Variants in TMF1 observed in about 807,000 individuals in gnomAD.
The protein encoded by TMF1 is TATA element modulatory factor 1.
TMF1 carries 71 observed loss-of-function variants against 126.5 expected under a neutral mutation model. The ratio of observed to expected loss-of-function variants is 0.56; its 90% CI spans 0.46 to 0.68. The LOEUF (loss-of-function observed/expected upper bound fraction) is 0.68, where lower values mean the gene tolerates loss of function less well. Among genes scored for constraint, TMF1 ranks in the 30% least tolerant of loss-of-function variants. The probability of loss-of-function intolerance (pLI) is 0.00; values close to 1 mark genes in which losing one functional copy is unlikely to be tolerated. For synonymous variants in TMF1, 461 were observed against 430.5 expected, an observed-to-expected ratio of 1.07 and a Z score of -0.88; for missense variants, 1,259 against 1,253.2, an observed-to-expected ratio of 1.00 and a Z score of -0.07.
intron 10 of TMF1, 107 bp downstream of exon 10, chr3:69,033,441 A>G: frequency 7.9e-7 from 1 of 1,272,130 alleles, no homozygotes; most frequent in Non-Finnish European, 1.1e-6. Context: ...TATTAGACAC[A>G]AAATGTAACT....
In TMF1 at chr3:69,022,238, G is replaced by C. The variant is rs1358199698; in HGVS notation, c.*939C>G. ...TTAATTCCTATAATTCTTCCATTTTGTTATGAATATTCTGTAATATCAAAC... is the reference window on the plus strand; with the variant it reads ...TTAATTCCTATAATTCTTCCATTTTCTTATGAATATTCTGTAATATCAAAC... On this transcript the variant is annotated 3_prime_UTR_variant, in exon 17 of 17. Transcript: ENST00000398559. The C allele has an allele frequency of 6.6e-6, 1 of 152,224 alleles. No homozygotes were observed. Among genetic ancestry groups the C allele is most frequent in the Non-Finnish European group, 1.5e-5 (1 of 68,002 alleles). 9.4% of individuals were successfully genotyped at this position (152,224 alleles called of 1,614,324 possible).
At position 69,023,129 on chromosome 3, in the gene TMF1, GA is replaced by G; in HGVS notation, c.*47del. 1 of 1,508,094 alleles carries G rather than the reference GA, an allele frequency of 6.6e-7. No homozygotes were observed. The highest frequency in any genetic ancestry group is 1.2e-5 in the South Asian group (1 of 83,994). The allele number at this position is 1,508,094 out of a possible 1,614,324, so 93.4% of individuals were successfully genotyped here. A position where few individuals can be genotyped will look rare whatever the true frequency, so the allele number is the denominator to read the frequency against. On this transcript the variant is annotated 3_prime_UTR_variant, in exon 17 of 17. Coordinates refer to ENST00000398559, the MANE Select transcript of TMF1 (RefSeq NM_007114.3). ...ATTGGAAGTCCACATTAAATGTTTAGATATTAAATGCTTACATTCAGTTTGA... is the reference window on the plus strand; with the variant it reads ...ATTGGAAGTCCACATTAAATGTTTAGTATTAAATGCTTACATTCAGTTTGA...
intron 10 of TMF1, among the ~76,000 whole-genome samples, chr3:69,032,613 CT>C (rs11447014): frequency 4.5e-4 from 65 of 143,716 alleles, no homozygotes; most frequent in Admixed American, 5.6e-4. Flanking sequence ...AATATGGAAT[CT>C]TTTTTTTTTT....
intron 8 of TMF1, among the ~76,000 whole-genome samples, chr3:69,037,202 G>T (rs1189252837): frequency 2.0e-5 from 3 of 152,202 alleles, no homozygotes; most frequent in Non-Finnish European, 4.4e-5. Context: ...GTCATTAAGA[G>T]AATGCAAATC....
At chr3:69,043,131 A>G (rs957872039) in intron 4 of TMF1, among the ~76,000 whole-genome samples, 2 of 152,186 alleles carry the variant, frequency 1.3e-5, no homozygotes, top group Admixed American at 1.3e-4. Context: ...GCAAGTGTTA[A>G]TATGAAAATA....
chr3:69,046,117 A>G (rs2091894503), intron 2 of TMF1, among the ~76,000 whole-genome samples: 1 of 152,166 alleles, frequency 6.6e-6, no homozygotes, highest in Non-Finnish European at 1.5e-5. Flanking sequence ...TCATTCATAC[A>G]TACATCCATC....
In TMF1 at chr3:69,039,578, T is replaced by C. The variant is rs1468837689; in HGVS notation, c.1800A>G (p.Leu600=). 6.8e-6 allele frequency: 11 copies of C among 1,613,344 alleles called. No individual in the cohort carries two copies. The highest frequency in any genetic ancestry group is 9.3e-6 in the Non-Finnish European group (11 of 1,179,834). The change falls in exon 6 of 17, where the codon CTA becomes CTG. Residue 600 remains leucine, a synonymous_variant. Transcript: ENST00000398559. ...GTTTCAAATGCTGCAACTCCTCTTC[T>C]AGCTCTTTAACTTTTTTGTTCAGCT... ...VAKLNKKVKE[L]EEELQHLKQV...
intron 15 of TMF1, chr3:69,025,180 C>A: frequency 1.2e-5 from 2 of 169,186 alleles, no homozygotes; most frequent in Non-Finnish European, 2.5e-5. Context: ...ATAGAACAGG[C>A]ATTCACAGCT....
Position 69,052,143 on chromosome 3 carries a change from T to G in TMF1, c.-57A>C, listed in dbSNP as rs2091934839. 6.4e-7 allele frequency: 1 copy of G among 1,559,276 alleles called. No individual in the cohort carries two copies. The highest frequency in any genetic ancestry group is 1.9e-5 in the Admixed American group (1 of 54,028). On this transcript the variant is annotated 5_prime_UTR_variant, in exon 1 of 17. Transcript: ENST00000398559. The stretch of plus-strand genomic sequence containing the variant: ...GCACCAAGCGGGAAGGCCTCAGGCC[T>G]GGGGAAGGGTGCAGAGGAACGGCTT...
intron 13 of TMF1, among the ~76,000 whole-genome samples, chr3:69,026,505 AT>A (rs2091767986): frequency 6.6e-6 from 1 of 152,230 alleles, no homozygotes; most frequent in Non-Finnish European, 1.5e-5. Flanking sequence ...CTGAGGCAGA[AT>A]CGCTTGAACC....
chr3:69,044,748 A>C, intron 2 of TMF1, 153 bp from the exon 3 acceptor site: 1 of 508,788 alleles, frequency 2.0e-6, no homozygotes. Flanking sequence ...GAACAAGAAG[A>C]ACTCTTAGGC....
chr3:69,039,640 T>C lies in TMF1; in HGVS notation c.1738A>G (p.Arg580Gly), dbSNP rs1203345339. The C allele has an allele frequency of 6.2e-7, 1 of 1,613,818 alleles. No homozygotes were observed. The highest frequency in any genetic ancestry group is 8.5e-7 in the Non-Finnish European group (1 of 1,179,934). Residue 580 changes from arginine (R) to glycine (G), a missense_variant, in exon 6 of 17, where the codon AGA (arginine) becomes GGA (glycine). Coordinates refer to ENST00000398559, the MANE Select transcript of TMF1 (RefSeq NM_007114.3). The stretch of plus-strand genomic sequence containing the variant: ...TTTTCATTCTCCTTGTCTTTAGCTC[T>C]TAATTTCTTGATGATGTTAGAATTG... ...LHNSNIIKKL[R>G]AKDKENENMV...
intron 11 of TMF1, among the ~76,000 whole-genome samples, chr3:69,028,847 T>A (rs1205785619): frequency 6.6e-6 from 1 of 152,074 alleles, no homozygotes; most frequent in Non-Finnish European, 1.5e-5. Flanking sequence ...ATCCTTGTAA[T>A]ATAAAAGTAA....
At chr3:69,050,547 A>G (rs906357700) in intron 1 of TMF1, among the ~76,000 whole-genome samples, 1 of 152,216 alleles carries the variant, frequency 6.6e-6, no homozygotes, top group Non-Finnish European at 1.5e-5. Context: ...TCTAAATTAT[A>G]CCATTCTGAA....
At position 69,047,806 on chromosome 3, in the gene TMF1, G is replaced by A. The variant is rs764282646; in HGVS notation, c.899C>T (p.Ala300Val). ...QTSFQLLSASACPEYNRLDDF... is the reference protein window; with the variant it reads ...QTSFQLLSASVCPEYNRLDDF... ...ATCTAAACGATTATATTCAGGACAA[G>A]CAGATGCAGAGAGAAGCTGAAAAGA... Residue 300 changes from alanine (A) to valine (V), a missense_variant, in exon 2 of 17, where the codon GCT (alanine) becomes GTT (valine). Coordinates refer to ENST00000398559, the MANE Select transcript of TMF1 (RefSeq NM_007114.3). 5.0e-6 allele frequency: 8 copies of A among 1,613,968 alleles called. No homozygotes were observed. The highest frequency in any genetic ancestry group is 6.8e-6 in the Non-Finnish European group (8 of 1,180,036).
At chr3:69,034,882 C>G (rs1424345210) in intron 9 of TMF1, 141 bp downstream of exon 9, 1 of 728,154 alleles carries the variant, frequency 1.4e-6, no homozygotes, top group Non-Finnish European at 2.4e-6. Flanking sequence ...GATTTATTCA[C>G]ACAAGCCACA....
In TMF1 at chr3:69,022,389, T is replaced by C. The variant is rs1032992874; in HGVS notation, c.*788A>G. ...TATAGGGTAGTAAAATAATACTTCTTCAAAATCATTTAAATGTTATTGATG... is the reference window on the plus strand; with the variant it reads ...TATAGGGTAGTAAAATAATACTTCTCCAAAATCATTTAAATGTTATTGATG... On this transcript the variant is annotated 3_prime_UTR_variant, in exon 17 of 17. Transcript: ENST00000398559. The C allele has an allele frequency of 1.3e-5, 2 of 152,462 alleles. No individual in the cohort carries two copies. The highest frequency in any genetic ancestry group is 4.8e-5 in the African/African-American group (2 of 41,458). The allele number at this position is 152,462 out of a possible 1,614,324, so 9.4% of individuals were successfully genotyped here.
chr3:69,029,808 T>G lies in TMF1; in HGVS notation c.2594+7A>C. On this transcript the variant is annotated splice_region_variant and intron_variant, in intron 11 of 16. Transcript: ENST00000398559. ...TACCAAAAATATCACTCAGAAACCA[T>G]GCTCACCTATTGTTCTCATCCTCCA... 1 of 1,597,686 alleles carries G rather than the reference T, an allele frequency of 6.3e-7. No homozygotes were observed. The highest frequency in any genetic ancestry group is 8.5e-7 in the Non-Finnish European group (1 of 1,172,578).
chr3:69,023,035 G>A lies in TMF1; in HGVS notation c.*142C>T, dbSNP rs906726237. ...TTAACTGTAAATATTACTACATAGT[G>A]TAAAACAATTTTAAAAAAATTTTTA... On this transcript the variant is annotated 3_prime_UTR_variant, in exon 17 of 17. Coordinates refer to ENST00000398559, the MANE Select transcript of TMF1 (RefSeq NM_007114.3). 7 of 661,552 alleles carry A rather than the reference G, an allele frequency of 1.1e-5. No individual in the cohort carries two copies. The highest frequency in any genetic ancestry group is 7.4e-5 in the African/African-American group (4 of 54,130). The allele number at this position is 661,552 out of a possible 1,614,324, so 41.0% of individuals were successfully genotyped here. A position where few individuals can be genotyped will look rare whatever the true frequency, so the allele number is the denominator to read the frequency against.
Sources: allele counts gnomAD v4.1 joint callset (sites outside exome capture counted in the v4.1 genomes callset), GRCh38; gene constraint gnomAD v4.1.1; transcripts MANE v1.5; gene names NCBI Gene and HGNC (gene_info 2026-07-23, HGNC 2026-07-21).